The following MTHFD1L variants were observed in gnomAD, a reference collection of about 807,000 sequenced individuals.
MTHFD1L encodes methylenetetrahydrofolate dehydrogenase (NADP+ dependent) 1 like, also known as monofunctional C1-tetrahydrofolate synthase, mitochondrial.
A neutral mutation model predicts 119.5 loss-of-function variants in MTHFD1L; 81 were observed. The ratio of observed to expected loss-of-function variants is 0.68; its 90% CI spans 0.57 to 0.82. The LOEUF is 0.82. MTHFD1L is among the 40% of genes least tolerant of loss of function. MTHFD1L has a pLI of 0.00. For synonymous variants in MTHFD1L, 430 were observed against 475.2 expected (o/e 0.90, Z 1.24); for missense variants, 1,125 against 1,253.4 (o/e 0.90, Z 1.55).
intron 20 of MTHFD1L, among the ~76,000 whole-genome samples, chr6:151,007,205 A>G (rs750517409): frequency 6.6e-6 from 1 of 151,076 alleles, no homozygotes; most frequent in Non-Finnish European, 1.5e-5. Flanking sequence ...TCAGAGCCTG[A>G]CTCCATCACC....
At chr6:151,051,486 A>G (rs1336794174) in intron 26 of MTHFD1L, among the ~76,000 whole-genome samples, 1 of 152,222 alleles carries the variant, frequency 6.6e-6, no homozygotes, top group Non-Finnish European at 1.5e-5. Flanking sequence ...GTAGAGTTCT[A>G]GCGCTCTGTG....
intron 27 of MTHFD1L, chr6:151,099,927 T>G (rs1795225874): frequency 1.7e-6 from 2 of 1,174,836 alleles, no homozygotes; most frequent in African/African-American, 1.5e-5. Flanking sequence ...GCGAAGAAAA[T>G]GAGTAGACAG....
intron 26 of MTHFD1L, among the ~76,000 whole-genome samples, chr6:151,063,509 A>G (rs886123485): frequency 3.3e-5 from 5 of 152,232 alleles, no homozygotes; most frequent in Admixed American, 3.3e-4. Flanking sequence ...AATATTTTGT[A>G]TGATGAGTAA....
At chr6:150,968,865 TG>T (rs1393141182) in intron 19 of MTHFD1L, among the ~76,000 whole-genome samples, 133 of 119,030 alleles carry the variant, frequency 1.1e-3, no homozygotes, top group African/African-American at 3.6e-3. Context: ...TTTTTTTTTT[TG>T]AAACGGAGTT....
intron 21 of MTHFD1L, 143 bp downstream of exon 21, chr6:151,010,101 C>A: frequency 2.0e-6 from 2 of 976,160 alleles, no homozygotes; most frequent in Non-Finnish European, 2.8e-6. Flanking sequence ...CTGTAGACCT[C>A]CCTCGTGGAC....
In MTHFD1L at chr6:151,013,765, T is replaced by G; in HGVS notation, c.2266-14T>G. The stretch of plus-strand genomic sequence containing the variant: ...TTATAGGATTATTCTTCATGTTTTC[T>G]CTCCTTATTTCAGGTAACGGCTGGT... On this transcript the variant is annotated splice_polypyrimidine_tract_variant and intron_variant, in intron 21 of 27. Coordinates refer to ENST00000367321, the MANE Select transcript of MTHFD1L (RefSeq NM_015440.5). The G allele has an allele frequency of 1.2e-6, 2 of 1,608,720 alleles. No homozygotes were observed. Among genetic ancestry groups the G allele is most frequent in the Non-Finnish European group, 1.7e-6 (2 of 1,175,850 alleles).
chr6:151,083,928 C>A (rs948636720), intron 26 of MTHFD1L, among the ~76,000 whole-genome samples: 1 of 152,198 alleles, frequency 6.6e-6, no homozygotes, highest in Admixed American at 6.5e-5. Context: ...ATAACAATAA[C>A]CCTGACCTCA....
chr6:151,067,925 A>G (rs938684787), intron 26 of MTHFD1L, among the ~76,000 whole-genome samples: 2 of 152,224 alleles, frequency 1.3e-5, no homozygotes, highest in Non-Finnish European at 2.9e-5. Context: ...CACGTAATGC[A>G]TGTGGACTTC....
intron 7 of MTHFD1L, among the ~76,000 whole-genome samples, chr6:150,894,075 T>C (rs1783809295): frequency 6.6e-6 from 1 of 152,042 alleles, no homozygotes; most frequent in Non-Finnish European, 1.5e-5. Context: ...AAACTCCATC[T>C]CTAAAAAAGT....
intron 4 of MTHFD1L, among the ~76,000 whole-genome samples, chr6:150,878,072 C>T (rs115953671): frequency 0.012 from 1,838 of 152,288 alleles, 36 homozygotes; most frequent in African/African-American, 0.042. Context: ...TCTTCAGCTG[C>T]GGTGGCAGCG....
intron 7 of MTHFD1L, among the ~76,000 whole-genome samples, chr6:150,904,968 G>T (rs1278954223): frequency 6.6e-6 from 1 of 151,620 alleles, no homozygotes; most frequent in East Asian, 1.9e-4. Flanking sequence ...CATTGTGATG[G>T]TGCCATTATA....
chr6:151,019,387 T>C (rs1297646536), intron 24 of MTHFD1L, among the ~76,000 whole-genome samples: 7 of 152,264 alleles, frequency 4.6e-5, no homozygotes, highest in Non-Finnish European at 1.0e-4. Context: ...TTCTGAGTTA[T>C]GCTGTCTCAG....
At chr6:150,932,740 C>A (rs1167529191) in intron 11 of MTHFD1L, among the ~76,000 whole-genome samples, 1 of 150,342 alleles carries the variant, frequency 6.7e-6, no homozygotes, top group African/African-American at 2.5e-5. Context: ...TGCACTCCAG[C>A]CTGGGCAACA....
intron 8 of MTHFD1L, among the ~76,000 whole-genome samples, chr6:150,908,935 A>G (rs1786392672): frequency 6.6e-6 from 1 of 152,130 alleles, no homozygotes; most frequent in Admixed American, 6.6e-5. Context: ...GATGAGAAGA[A>G]CTTTTAATAA....
Position 150,882,851 on chromosome 6 carries a change from C to T in MTHFD1L, c.507C>T (p.Val169=), listed in dbSNP as rs1781591070. The part of the protein sequence containing the change: ...QISENLFSNK[V]LNALKPEKDV... Reference sequence around the variant, plus strand: ...CTGAGAACTTGTTTAGCAACAAAGTCCTCAATGCCTTGAAACCAGAAAAAG... The same window carrying T: ...CTGAGAACTTGTTTAGCAACAAAGTTCTCAATGCCTTGAAACCAGAAAAAG... Residue 169 remains valine, a synonymous_variant, in exon 5 of 28, where the codon GTC becomes GTT. Coordinates refer to ENST00000367321, the MANE Select transcript of MTHFD1L (RefSeq NM_015440.5). The T allele has an allele frequency of 6.3e-7, 1 of 1,579,080 alleles. No individual in the cohort carries two copies. The highest frequency in any genetic ancestry group is 1.2e-5 in the South Asian group (1 of 82,628).
intron 26 of MTHFD1L, among the ~76,000 whole-genome samples, chr6:151,044,464 G>A (rs527361625): frequency 9.9e-5 from 15 of 151,842 alleles, no homozygotes; most frequent in South Asian, 4.2e-4. Flanking sequence ...ACTACGCCCC[G>A]CTAGTTTTTT....
chr6:151,082,169 C>T (rs756495390), intron 26 of MTHFD1L, among the ~76,000 whole-genome samples: 1 of 152,274 alleles, frequency 6.6e-6, no homozygotes, highest in East Asian at 1.9e-4. Flanking sequence ...GTCGGTCAAA[C>T]GGCTGATGAA....
At chr6:150,872,839 T>G (rs1302519611) in intron 1 of MTHFD1L, among the ~76,000 whole-genome samples, 1 of 151,830 alleles carries the variant, frequency 6.6e-6, no homozygotes, top group Non-Finnish European at 1.5e-5. Flanking sequence ...TTTTTTTTTT[T>G]TTGGTAGAGA....
At chr6:151,088,597 C>T (rs562020372) in intron 26 of MTHFD1L, among the ~76,000 whole-genome samples, 20 of 150,526 alleles carry the variant, frequency 1.3e-4, no homozygotes, top group Non-Finnish European at 2.4e-4. Context: ...GCTAAAACGA[C>T]GGGTGCTCAT....
Sources: gnomAD v4.1 joint callset for allele counts (sites outside exome capture counted in the v4.1 genomes callset) on GRCh38, gnomAD v4.1.1 for gene constraint, MANE v1.5 for transcripts, NCBI Gene and HGNC (gene_info 2026-07-23, HGNC 2026-07-21) for gene names.